SH3KBP1: variants seen among roughly 807,000 people sequenced by gnomAD.
SH3KBP1 encodes SH3 domain containing kinase binding protein 1.
Under a neutral mutation model 50.1 loss-of-function variants are expected in SH3KBP1, and 8 were observed. That is an observed-to-expected ratio of 0.16 (90% CI 0.09 to 0.29). The LOEUF is 0.29. SH3KBP1 is among the 10% of genes least tolerant of loss of function. The pLI is 1.00. For synonymous variants in SH3KBP1, 227 were observed against 218.6 expected (o/e 1.04, Z -0.34); for missense variants, 377 against 535.2 (o/e 0.70, Z 2.92).
At chrX:19,784,642 C>T (rs2066280624) in intron 2 of SH3KBP1, among the ~76,000 whole-genome samples, 1 of 111,113 alleles carries the variant, frequency 9.0e-6, no homozygotes, top group Admixed American at 9.6e-5. Context: ...CAGAGTCTCA[C>T]TCTGTCGCCC....
chrX:19,819,411 G>A (rs2067456695), intron 2 of SH3KBP1, among the ~76,000 whole-genome samples: 1 of 111,468 alleles, frequency 9.0e-6, no homozygotes. Flanking sequence ...ACAGCTCACT[G>A]CAGCCTCAAC....
chrX:19,584,230 ATATATAAATATATG>A (rs1569310287), intron 12 of SH3KBP1, among the ~76,000 whole-genome samples: 1 of 91,917 alleles, frequency 1.1e-5, no homozygotes, highest in African/African-American at 4.1e-5. Context: ...ATTTATAAAT[ATATATAAATATATG>A]TATATAAATA....
At position 19,565,164 on chromosome X, in the gene SH3KBP1, C is replaced by T. The variant is rs1180025401; in HGVS notation, c.1384+3939G>A. 7.8e-5 allele frequency among the ~76,000 whole-genome samples: 8 copies of T among 103,123 alleles called. 1 individual carries two copies. In the South Asian group the frequency reaches 1.4e-3, roughly 17 times the overall value. The allele number at this position is 103,123 out of a possible 115,157, so 89.5% of individuals were successfully genotyped here. A position where few individuals can be genotyped will look rare whatever the true frequency, so the allele number is the denominator to read the frequency against. On this transcript the variant is annotated intron_variant, in intron 13 of 17. Coordinates refer to ENST00000397821, the MANE Select transcript of SH3KBP1 (RefSeq NM_031892.3). ...GCAACCTCCGCCTCCCGGGTTCAAGCGATTCTCCTGCCTCAGCCTCCCAAG... is the reference window on the plus strand; with the variant it reads ...GCAACCTCCGCCTCCCGGGTTCAAGTGATTCTCCTGCCTCAGCCTCCCAAG...
chrX:19,688,005 A>C (rs937666840), intron 5 of SH3KBP1, among the ~76,000 whole-genome samples: 1 of 112,402 alleles, frequency 8.9e-6, no homozygotes, highest in Non-Finnish European at 1.9e-5. Flanking sequence ...TTGTAACTTA[A>C]AGAATAGGAA....
rs952052622 is a variant in SH3KBP1 at position 19,576,159 on chromosome X, T to C, written c.1299-6971A>G. Among the ~76,000 whole-genome samples, 301 of 111,839 alleles carry C rather than the reference T, an allele frequency of 2.7e-3. 1 individual carries two copies. The highest frequency in any genetic ancestry group is 9.1e-3 in the African/African-American group (281 of 30,762). On this transcript the variant is annotated intron_variant, in intron 12 of 17. Coordinates refer to ENST00000397821, the MANE Select transcript of SH3KBP1 (RefSeq NM_031892.3). ...AAAGTAATGCAATGTTCTTATATTT[T>C]ACCTAGCAGTTTTCGTTATGGACAC...
intron 2 of SH3KBP1, among the ~76,000 whole-genome samples, chrX:19,804,437 A>G (rs1166399123): frequency 9.0e-6 from 1 of 110,804 alleles, no homozygotes; most frequent in Non-Finnish European, 1.9e-5. Context: ...ACATACTCAT[A>G]AAGAACTAGT....
Position 19,534,562 on chromosome X carries a change from C to T in SH3KBP1, c.*1855G>A, listed in dbSNP as rs1015339792. 20 of 224,703 alleles carry T rather than the reference C, an allele frequency of 8.9e-5. No homozygotes were observed. Among genetic ancestry groups the T allele is most frequent in the Middle Eastern group, 1.3e-3 (1 of 765 alleles). The allele number at this position is 224,703 out of a possible 1,213,427, so 18.5% of individuals were successfully genotyped here. On this transcript the variant is annotated 3_prime_UTR_variant, in exon 18 of 18. Transcript: ENST00000397821. ...GAATCTCTGGAATCTTCAAGTTTAA[C>T]GCAGAAATGCTTATAACTGTCAAGG...
At chrX:19,852,636 G>GAAAAAAA (rs760707711) in intron 1 of SH3KBP1, among the ~76,000 whole-genome samples, 915 of 51,814 alleles carry the variant, frequency 0.018, 27 homozygotes, top group African/African-American at 0.058. Context: ...TAGCTGCACA[G>GAAAAAAA]AAAAAAAAAA....
At chrX:19,858,033 G>C (rs2068693798) in intron 1 of SH3KBP1, among the ~76,000 whole-genome samples, 1 of 108,801 alleles carries the variant, frequency 9.2e-6, no homozygotes, top group Admixed American at 9.8e-5. Context: ...ACAAAAATTA[G>C]CTGGGTGTGG....
At chrX:19,611,001 C>G (rs769958320) in intron 8 of SH3KBP1, among the ~76,000 whole-genome samples, 1 of 111,157 alleles carries the variant, frequency 9.0e-6, no homozygotes, top group Admixed American at 9.6e-5. Context: ...CCTCCCACAT[C>G]AGCCTCCTGA....
Position 19,760,260 on chromosome X carries a change from G to A in SH3KBP1, c.163-13819C>T, listed in dbSNP as rs769377088. ...AAATAAGCCAGGCGCGGTGGCAGGC[G>A]CCTGTAGTTCCAGCTACTCGGGAGG... On this transcript the variant is annotated intron_variant, in intron 2 of 17. Coordinates refer to ENST00000397821, the MANE Select transcript of SH3KBP1 (RefSeq NM_031892.3). 2.7e-5 allele frequency among the ~76,000 whole-genome samples: 3 copies of A among 109,283 alleles called. No homozygotes were observed. The East Asian group carries it at 8.6e-4, about 31-fold the overall frequency. 94.9% of individuals were successfully genotyped at this position (109,283 alleles called of 115,157 possible).
chrX:19,538,715 G>A (rs1396969366), intron 16 of SH3KBP1, among the ~76,000 whole-genome samples: 2 of 108,935 alleles, frequency 1.8e-5, no homozygotes, highest in Non-Finnish European at 3.8e-5. Flanking sequence ...GCCTCCCGAG[G>A]AGCTGGGATT....
Position 19,687,686 on chromosome X carries a change from T to A in SH3KBP1, c.521-3658A>T, listed in dbSNP as rs1477494354. 5 of 1,200,971 alleles carry A rather than the reference T, an allele frequency of 4.2e-6. No homozygotes were observed. The East Asian group carries it at 1.5e-4, about 36-fold the overall frequency. On this transcript the variant is annotated intron_variant, in intron 5 of 17. Coordinates refer to ENST00000397821, the MANE Select transcript of SH3KBP1 (RefSeq NM_031892.3). ...TACAGAATTGTCCCTTCAAAGGTAG[T>A]CTTTCCTGACAGTGAATGAGAGAAG...
At chrX:19,585,254 A>G (rs2066527188) in intron 12 of SH3KBP1, among the ~76,000 whole-genome samples, 1 of 111,539 alleles carries the variant, frequency 9.0e-6, no homozygotes, top group Admixed American at 9.6e-5. Context: ...GGAGGCTGGG[A>G]AGGACGACAG....
rs2068052604 is a variant in SH3KBP1, at chrX:19,836,221, C to T, written c.66G>A (p.Val22=). The part of the protein sequence containing the change: ...AQHDDELTIS[V]GEIITNIRKE... ...TCCTGATGTTGGTGATGATTTCACC[C>T]ACGCTGATCGTCAGCTCATCATCGT... The change falls in exon 2 of 18, where the codon GTG becomes GTA. Residue 22 remains valine (V), a synonymous_variant. Coordinates refer to ENST00000397821, the MANE Select transcript of SH3KBP1 (RefSeq NM_031892.3). 3 of 1,209,396 alleles carry T rather than the reference C, an allele frequency of 2.5e-6. No homozygotes were observed. Among genetic ancestry groups the T allele is most frequent in the Non-Finnish European group, 3.4e-6 (3 of 893,518 alleles).
intron 2 of SH3KBP1, among the ~76,000 whole-genome samples, chrX:19,752,639 G>A (rs1208673066): frequency 8.9e-6 from 1 of 111,818 alleles, no homozygotes; most frequent in Non-Finnish European, 1.9e-5. Flanking sequence ...TCTGGGTGGT[G>A]GTTACACAGG....
chrX:19,667,089 T>A (rs1041821976), intron 6 of SH3KBP1, among the ~76,000 whole-genome samples: 7 of 112,185 alleles, frequency 6.2e-5, no homozygotes, highest in Middle Eastern at 4.2e-3. Context: ...GTGAAATAAG[T>A]CAGTCATAAG....
chrX:19,709,419 T>C (rs948716135), intron 3 of SH3KBP1, among the ~76,000 whole-genome samples: 2 of 111,461 alleles, frequency 1.8e-5, no homozygotes, highest in African/African-American at 6.5e-5. Context: ...ACCACATGAG[T>C]TAAAAAATAA....
At position 19,773,856 on chromosome X, in the gene SH3KBP1, GAAAAAAAAAA is replaced by G. The variant is rs59381892; in HGVS notation, c.163-27425_163-27416del. On this transcript the variant is annotated intron_variant, in intron 2 of 17. Transcript: ENST00000397821. Reference sequence around the variant, plus strand: ...GGGCGACAGAGCGAGACTCCGGCTCGAAAAAAAAAAAAAAAAAAAAAAAAAAAAAAGAATC... The same window carrying G: ...GGGCGACAGAGCGAGACTCCGGCTCGAAAAAAAAAAAAAAAAAAAAGAATC... Among the ~76,000 whole-genome samples, 50 of 14,921 alleles carry G rather than the reference GAAAAAAAAAA, an allele frequency of 3.4e-3. 1 individual carries two copies. Among genetic ancestry groups the G allele is most frequent in the South Asian group, 0.013 (3 of 230 alleles). 13.0% of individuals were successfully genotyped at this position (14,921 alleles called of 115,157 possible).
Sources: gnomAD v4.1 joint callset for allele counts (sites outside exome capture counted in the v4.1 genomes callset) on GRCh38, gnomAD v4.1.1 for gene constraint, MANE v1.5 for transcripts, NCBI Gene and HGNC (gene_info 2026-07-23, HGNC 2026-07-21) for gene names.